Variants in BICC1 observed in about 807,000 individuals in gnomAD.
BICC1 encodes the protein protein bicaudal C homolog 1.
In BICC1, 43 loss-of-function variants were observed where a neutral mutation model predicts 111.0. The observed-to-expected ratio is 0.39, with a 90% CI of 0.30 to 0.50. The LOEUF is 0.50. Among genes scored for constraint, BICC1 ranks in the 20% least tolerant of loss-of-function variants. The probability of loss-of-function intolerance (pLI) is 0.88; values close to 1 mark genes in which losing one functional copy is unlikely to be tolerated. For synonymous variants in BICC1, 467 were observed against 434.4 expected (o/e 1.07, Z -0.93); for missense variants, 1,091 against 1,203.2 (o/e 0.91, Z 1.38).
intron 20 of BICC1, among the ~76,000 whole-genome samples, chr10:58,825,669 G>A (rs72804448): frequency 2.6e-5 from 4 of 152,260 alleles, no homozygotes; most frequent in East Asian, 3.9e-4. Context: ...CTATTGCAGT[G>A]AGCTCGATGT....
At chr10:58,662,546 G>A (rs956725270) in intron 2 of BICC1, among the ~76,000 whole-genome samples, 4 of 152,018 alleles carry the variant, frequency 2.6e-5, no homozygotes, top group Non-Finnish European at 4.4e-5. Context: ...GAAAGCTCTC[G>A]AAAGGTGAAA....
At chr10:58,803,867 A>G (rs945540471) in intron 15 of BICC1, among the ~76,000 whole-genome samples, 1 of 152,228 alleles carries the variant, frequency 6.6e-6, no homozygotes, top group African/African-American at 2.4e-5. Context: ...ATGAAAATGC[A>G]GAAATTATAG....
intron 1 of BICC1, among the ~76,000 whole-genome samples, chr10:58,601,622 G>A (rs1266940980): frequency 6.6e-6 from 1 of 151,848 alleles, no homozygotes; most frequent in African/African-American, 2.4e-5. Context: ...TCAAGTACAT[G>A]GAAACTATAG....
intron 2 of BICC1, among the ~76,000 whole-genome samples, chr10:58,647,025 C>T (rs1838290321): frequency 6.6e-6 from 1 of 152,184 alleles, no homozygotes; most frequent in East Asian, 1.9e-4. Flanking sequence ...AAATTCTCTC[C>T]CCAAAGATAC....
chr10:58,594,228 A>G (rs941868137), intron 1 of BICC1, among the ~76,000 whole-genome samples: 4 of 152,164 alleles, frequency 2.6e-5, no homozygotes, highest in Non-Finnish European at 1.5e-5. Context: ...GGACTGTGTG[A>G]AAAGACTAAA....
intron 9 of BICC1, among the ~76,000 whole-genome samples, chr10:58,795,558 G>T (rs1022124644): frequency 6.6e-6 from 1 of 152,068 alleles, no homozygotes; most frequent in African/African-American, 2.4e-5. Flanking sequence ...TTGTAAATGA[G>T]AACTCCAGAG....
intron 12 of BICC1, among the ~76,000 whole-genome samples, 174 bp downstream of exon 12, chr10:58,799,426 AT>A (rs966300202): frequency 3.3e-5 from 5 of 152,094 alleles, no homozygotes; most frequent in Admixed American, 6.5e-5. Flanking sequence ...AATTTTATTT[AT>A]TTTTTTCAAC....
At chr10:58,686,244 T>C (rs1026036737) in intron 2 of BICC1, among the ~76,000 whole-genome samples, 3 of 152,266 alleles carry the variant, frequency 2.0e-5, no homozygotes, top group Middle Eastern at 6.3e-3. Flanking sequence ...GCTGTTAGTC[T>C]GATGGGATTC....
intron 1 of BICC1, among the ~76,000 whole-genome samples, chr10:58,553,713 G>T (rs1843363115): frequency 6.6e-6 from 1 of 151,796 alleles, no homozygotes; most frequent in South Asian, 2.1e-4. Context: ...TTTTTTTTCG[G>T]GGGGGCTAGA....
At chr10:58,747,230 C>G (rs1419708770) in intron 3 of BICC1, among the ~76,000 whole-genome samples, 1 of 152,100 alleles carries the variant, frequency 6.6e-6, no homozygotes, top group African/African-American at 2.4e-5. Flanking sequence ...AGTAAACTTG[C>G]ATTTGATAAA....
intron 14 of BICC1, among the ~76,000 whole-genome samples, chr10:58,802,252 T>G (rs1843569491): frequency 6.6e-6 from 1 of 152,222 alleles, no homozygotes; most frequent in Non-Finnish European, 1.5e-5. Flanking sequence ...GTCCTTTGTG[T>G]AGCCTCTGTC....
chr10:58,627,140 C>A (rs1001814685), intron 2 of BICC1, among the ~76,000 whole-genome samples: 2 of 151,996 alleles, frequency 1.3e-5, no homozygotes, highest in African/African-American at 2.4e-5. Context: ...GTGAACGTAA[C>A]TTAATTACTA....
At chr10:58,513,605 C>T (rs372002626) in intron 1 of BICC1, among the ~76,000 whole-genome samples, 48 of 152,338 alleles carry the variant, frequency 3.2e-4, no homozygotes, top group African/African-American at 1.0e-3. Flanking sequence ...TACTGGCGCG[C>T]CCAAGTTGCG....
At chr10:58,626,895 A>G (rs7922275) in intron 2 of BICC1, among the ~76,000 whole-genome samples, 151,290 of 152,224 alleles carry the variant, frequency 0.99, 75,183 homozygotes, top group Middle Eastern at 1. Context: ...ACCTGAGGTC[A>G]GGAGTTCGAG....
intron 7 of BICC1, 81 bp downstream of exon 7, chr10:58,789,537 G>T: frequency 2.0e-6 from 3 of 1,508,496 alleles, no homozygotes; most frequent in South Asian, 1.3e-5. Context: ...AGACTAATTT[G>T]ATTTCCAGAA....
At chr10:58,526,551 T>C (rs1445606102) in intron 1 of BICC1, among the ~76,000 whole-genome samples, 2 of 151,552 alleles carry the variant, frequency 1.3e-5, no homozygotes, top group East Asian at 4.0e-4. Context: ...TTACATTAGG[T>C]GTATCTCCTA....
At chr10:58,598,327 A>G (rs1331777192) in intron 1 of BICC1, among the ~76,000 whole-genome samples, 1 of 152,222 alleles carries the variant, frequency 6.6e-6, no homozygotes, top group Non-Finnish European at 1.5e-5. Context: ...CCAATGGAAC[A>G]GAACAGAGGC....
intron 2 of BICC1, among the ~76,000 whole-genome samples, chr10:58,643,368 A>G (rs1360959449): frequency 6.6e-6 from 1 of 152,158 alleles, no homozygotes; most frequent in Admixed American, 6.5e-5. Context: ...TTTGCATTGA[A>G]TTTTGTCAAA....
At chr10:58,799,031 C>T (rs772191015) in intron 11 of BICC1, 25 bp from the exon 12 acceptor site, 2 of 1,460,528 alleles carry the variant, frequency 1.4e-6, no homozygotes, top group African/African-American at 1.4e-5. Flanking sequence ...TTCCTAATAT[C>T]TGTCATCATA....
Sources: allele counts gnomAD v4.1 joint callset (sites outside exome capture counted in the v4.1 genomes callset), GRCh38; gene constraint gnomAD v4.1.1; transcripts MANE v1.5; gene names NCBI Gene and HGNC (gene_info 2026-07-23, HGNC 2026-07-21).